URB1: variants seen among roughly 807,000 people sequenced by gnomAD.
The protein encoded by URB1 is nucleolar pre-ribosomal-associated protein 1.
A neutral mutation model predicts 242.3 loss-of-function variants in URB1; 197 were observed. That is an observed-to-expected ratio of 0.81 (90% confidence interval 0.72 to 0.91). The LOEUF is 0.91. Ranked by LOEUF, URB1 falls within the 40% of genes least tolerant of loss-of-function variation. The pLI is 0.00. For missense variants in URB1, 2,721 were observed against 2,860.5 expected, an observed-to-expected ratio of 0.95 and a Z score of 1.11; for synonymous variants, 1,153 against 1,201.8, an observed-to-expected ratio of 0.96 and a Z score of 0.84.
At chr21:32,378,049 G>C (rs1173089236) in intron 5 of URB1, among the ~76,000 whole-genome samples, 1 of 152,212 alleles carries the variant, frequency 6.6e-6, no homozygotes, top group Non-Finnish European at 1.5e-5. Context: ...ACAGGTCTAA[G>C]CCACCAAAGA....
At chr21:32,365,025 A>G (rs2123603089) in intron 10 of URB1, among the ~76,000 whole-genome samples, 1 of 152,356 alleles carries the variant, frequency 6.6e-6, no homozygotes, top group African/African-American at 2.4e-5. Flanking sequence ...TGCAGGAGCT[A>G]GTACACCCCT....
At chr21:32,384,517 G>A (rs1386178222) in intron 2 of URB1, 53 bp from the exon 3 acceptor site, 3 of 1,528,704 alleles carry the variant, frequency 2.0e-6, no homozygotes, top group East Asian at 2.5e-5. Flanking sequence ...CTTTCCTCCT[G>A]TACATATATG....
At chr21:32,387,299 T>C (rs1444865148) in intron 1 of URB1, among the ~76,000 whole-genome samples, 1 of 152,100 alleles carries the variant, frequency 6.6e-6, no homozygotes, top group Non-Finnish European at 1.5e-5. Flanking sequence ...AAACTGCCTT[T>C]CAGAGAATCA....
intron 28 of URB1, among the ~76,000 whole-genome samples, chr21:32,334,596 T>A (rs181517092): frequency 6.6e-6 from 1 of 152,136 alleles, no homozygotes; most frequent in Non-Finnish European, 1.5e-5. Context: ...AAGCCCTTCA[T>A]GTAGATCAAT....
At chr21:32,336,081 C>T (rs2032955521) in intron 28 of URB1, among the ~76,000 whole-genome samples, 1 of 152,124 alleles carries the variant, frequency 6.6e-6, no homozygotes, top group African/African-American at 2.4e-5. Flanking sequence ...TATTCTACTC[C>T]AGAAAGGACA....
At position 32,344,771 on chromosome 21, in the gene URB1, G is replaced by A. The variant is rs748617594; in HGVS notation, c.4071-15C>T. The A allele has an allele frequency of 3.8e-5, 59 of 1,547,698 alleles. No homozygotes were observed. The highest frequency in any genetic ancestry group is 1.2e-4 in the Admixed American group (6 of 50,606). ...CCACGATCCACCTGCAGCAGGAGAT[G>A]AGAGTCAGAGACAGAGAGCAGGTTT... On this transcript the variant is annotated splice_polypyrimidine_tract_variant and intron_variant, in intron 23 of 38. Coordinates refer to ENST00000382751, the MANE Select transcript of URB1 (RefSeq NM_014825.3).
At chr21:32,366,134 A>T (rs1330672882) in intron 10 of URB1, among the ~76,000 whole-genome samples, 2 of 152,204 alleles carry the variant, frequency 1.3e-5, no homozygotes, top group African/African-American at 2.4e-5. Flanking sequence ...TCCTCCAAAA[A>T]TGCCTGAAAA....
intron 1 of URB1, among the ~76,000 whole-genome samples, chr21:32,390,809 C>G (rs987673232): frequency 6.6e-6 from 1 of 152,108 alleles, no homozygotes; most frequent in African/African-American, 2.4e-5. Context: ...GTCAGTGTGG[C>G]GATTCCTCAG....
chr21:32,347,491 C>T lies in URB1; in HGVS notation c.3333G>A (p.Leu1111=). The change falls in exon 22 of 39, where the codon CTG becomes CTA. Residue 1111 remains leucine, a synonymous_variant. Transcript: ENST00000382751. ...GCTGGGCACCCTCCATGTATGGATGCAGCTCCTGCAGGGCCTCCAGCTGCG... is the reference window on the plus strand; with the variant it reads ...GCTGGGCACCCTCCATGTATGGATGTAGCTCCTGCAGGGCCTCCAGCTGCG... The part of the protein sequence containing the change: ...TPPQLEALQE[L]HPYMEGAQLR... 6.4e-7 allele frequency: 1 copy of T among 1,551,170 alleles called. No homozygotes were observed. Among genetic ancestry groups the T allele is most frequent in the Non-Finnish European group, 8.7e-7 (1 of 1,146,742 alleles).
rs527928387 is a variant in URB1 at position 32,367,239 on chromosome 21, C to T, written c.1198-484G>A. Among the ~76,000 whole-genome samples, 3 of 152,224 alleles carry T rather than the reference C, an allele frequency of 2.0e-5. No individual in the cohort carries two copies. The East Asian group carries it at 5.8e-4, about 29-fold the overall frequency. On this transcript the variant is annotated intron_variant, in intron 9 of 38. Transcript: ENST00000382751. The stretch of plus-strand genomic sequence containing the variant: ...GTGAGGTTAGGTAATTTCCTTAAGG[C>T]CACATAGCTAGTAAGCAGCCAAGTA...
chr21:32,381,822 G>A (rs1011574651), intron 4 of URB1, among the ~76,000 whole-genome samples: 3 of 152,224 alleles, frequency 2.0e-5, no homozygotes, highest in Non-Finnish European at 4.4e-5. Context: ...CTGAAAAGGT[G>A]GAGGGTGGGG....
chr21:32,354,687 C>T (rs984772343), intron 17 of URB1, among the ~76,000 whole-genome samples, 172 bp downstream of exon 17: 5 of 152,222 alleles, frequency 3.3e-5, no homozygotes, highest in African/African-American at 9.6e-5. Flanking sequence ...AAGTGTTTCC[C>T]ATTACATGAA....
intron 18 of URB1, among the ~76,000 whole-genome samples, chr21:32,353,714 C>G (rs2833782): frequency 1.3e-5 from 2 of 152,060 alleles, no homozygotes; most frequent in African/African-American, 4.8e-5. Context: ...TTCAGACTCA[C>G]GCTCAAATGA....
chr21:32,387,194 C>T (rs2033592490), intron 1 of URB1, among the ~76,000 whole-genome samples: 1 of 152,148 alleles, frequency 6.6e-6, no homozygotes, highest in Non-Finnish European at 1.5e-5. Flanking sequence ...CCACTGACAC[C>T]TGAATCTGAA....
chr21:32,360,479 AATG>A (rs1273010559), intron 13 of URB1, among the ~76,000 whole-genome samples: 1 of 152,218 alleles, frequency 6.6e-6, no homozygotes, highest in Non-Finnish European at 1.5e-5. Flanking sequence ...AAATTCCAAG[AATG>A]ATATTTTTGC....
At chr21:32,355,936 T>C (rs2033215279) in intron 15 of URB1, among the ~76,000 whole-genome samples, 1 of 151,822 alleles carries the variant, frequency 6.6e-6, no homozygotes. Flanking sequence ...CTGTCGGAGG[T>C]CAAGCAGTTT....
chr21:32,379,012 G>C (rs1293463054), intron 4 of URB1, among the ~76,000 whole-genome samples: 1 of 152,214 alleles, frequency 6.6e-6, no homozygotes, highest in Non-Finnish European at 1.5e-5. Context: ...GTTTTTATGA[G>C]ATATTATAAA....
In URB1 at chr21:32,345,496, G is replaced by C; in HGVS notation, c.3948C>G (p.Pro1316=). 1.3e-6 allele frequency: 2 copies of C among 1,551,552 alleles called. No homozygotes were observed. The highest frequency in any genetic ancestry group is 1.7e-6 in the Non-Finnish European group (2 of 1,146,902). Residue 1316 remains proline, a synonymous_variant, in exon 23 of 39, where the codon CCC becomes CCG. Transcript: ENST00000382751. Reference sequence around the variant, plus strand: ...TCTCCTGGTACAGCCCAGATGCTGGGGGACTGTCAGTGCTAAGAAGCCTGC... The same window carrying C: ...TCTCCTGGTACAGCCCAGATGCTGGCGGACTGTCAGTGCTAAGAAGCCTGC... ...LQSRLLSTDS[P]PASGLYQEIL... is the part of the protein sequence containing the mutation.
At chr21:32,355,072 G>T (rs537472397) in intron 16 of URB1, 75 bp from the exon 17 acceptor site, 954 of 1,469,432 alleles carry the variant, frequency 6.5e-4, no homozygotes, top group Non-Finnish European at 8.0e-4. Flanking sequence ...AATGTCACTG[G>T]TCAAAATCAA....
Sources: gnomAD v4.1 joint callset for allele counts (sites outside exome capture counted in the v4.1 genomes callset) on GRCh38, gnomAD v4.1.1 for gene constraint, MANE v1.5 for transcripts, NCBI Gene and HGNC (gene_info 2026-07-23, HGNC 2026-07-21) for gene names.